KIDINS220: variants seen among roughly 807,000 people sequenced by gnomAD.
KIDINS220 encodes kinase D-interacting substrate of 220 kDa.
In KIDINS220, 63 loss-of-function variants were observed where a neutral mutation model predicts 157.6. The ratio of observed to expected loss-of-function variants is 0.40; its 90% CI spans 0.33 to 0.49. The LOEUF (loss-of-function observed/expected upper bound fraction) is 0.49. KIDINS220 is among the 20% of genes least tolerant of loss of function. The pLI is 0.66. For missense variants in KIDINS220, 1,772 were observed against 2,171.2 expected (o/e 0.82, Z 3.65); for synonymous variants, 732 against 783.6 (o/e 0.93, Z 1.10).
intron 22 of KIDINS220, among the ~76,000 whole-genome samples, chr2:8,764,972 A>C (rs1669270707): frequency 6.6e-6 from 1 of 152,214 alleles, no homozygotes; most frequent in South Asian, 2.1e-4. Flanking sequence ...CAGTGTTATG[A>C]AAGAACACAC....
At chr2:8,823,822 A>G (rs1206970265) in intron 2 of KIDINS220, among the ~76,000 whole-genome samples, 1 of 152,202 alleles carries the variant, frequency 6.6e-6, no homozygotes, top group Non-Finnish European at 1.5e-5. Flanking sequence ...ACCTCCAATT[A>G]TAAATGTTAT....
At chr2:8,802,671 C>T (rs547346750) in intron 8 of KIDINS220, among the ~76,000 whole-genome samples, 1 of 152,262 alleles carries the variant, frequency 6.6e-6, no homozygotes, top group East Asian at 1.9e-4. Flanking sequence ...AGAAAGCACA[C>T]CTACAGTGAC....
intron 16 of KIDINS220, 30 bp downstream of exon 16, chr2:8,786,176 C>A (rs759645585): frequency 1.7e-5 from 28 of 1,612,556 alleles, no homozygotes; most frequent in Non-Finnish European, 2.3e-5. Flanking sequence ...CCATCCCTTA[C>A]ACACAAAGAA....
At chr2:8,779,207 C>T (rs1365540716) in intron 18 of KIDINS220, 68 bp from the exon 19 acceptor site, 2 of 1,532,072 alleles carry the variant, frequency 1.3e-6, no homozygotes, top group African/African-American at 1.4e-5. Flanking sequence ...GGCATCTCTT[C>T]AAAATATGTG....
chr2:8,784,140 C>T (rs1204277134), intron 17 of KIDINS220, among the ~76,000 whole-genome samples: 4 of 142,828 alleles, frequency 2.8e-5, no homozygotes, highest in Non-Finnish European at 4.6e-5. Context: ...AAAGGCAATA[C>T]AATGCAAGAA....
chr2:8,746,807 A>G (rs1666647800), intron 26 of KIDINS220: 1 of 229,830 alleles, frequency 4.4e-6, no homozygotes, highest in Admixed American at 5.4e-5. Flanking sequence ...AAAAACAGTC[A>G]AAGGCAAAGC....
chr2:8,831,209 G>A (rs73916014), intron 1 of KIDINS220, among the ~76,000 whole-genome samples: 3,159 of 152,304 alleles, frequency 0.021, 112 homozygotes, highest in African/African-American at 0.072. Context: ...ACTGAGCAGA[G>A]TGAAAACTCA....
rs542705664 is a variant in KIDINS220 at position 8,735,696 on chromosome 2, T to C, written c.3718-943A>G. 2.6e-5 allele frequency among the ~76,000 whole-genome samples: 4 copies of C among 152,326 alleles called. No individual in the cohort carries two copies. The South Asian group carries it at 8.3e-4, about 32-fold the overall frequency. On this transcript the variant is annotated intron_variant, in intron 27 of 29. Transcript: ENST00000256707. ...TATTAACTGGGGCAAATTTATGAAA[T>C]AGCTATGTTTATAATCAATAGAATG...
intron 6 of KIDINS220, among the ~76,000 whole-genome samples, chr2:8,808,126 A>G (rs1055138755): frequency 1.3e-5 from 2 of 152,020 alleles, no homozygotes; most frequent in African/African-American, 4.8e-5. Context: ...TCTGTCTCAA[A>G]AAGAAAAAAA....
At chr2:8,754,482 T>C (rs1205768542) in intron 22 of KIDINS220, among the ~76,000 whole-genome samples, 1 of 152,224 alleles carries the variant, frequency 6.6e-6, no homozygotes. Flanking sequence ...ATTTCCAGCA[T>C]TATGAATCAT....
intron 2 of KIDINS220, among the ~76,000 whole-genome samples, chr2:8,820,184 C>G (rs11886698): frequency 0.064 from 9,793 of 152,186 alleles, 990 homozygotes; most frequent in African/African-American, 0.22. Flanking sequence ...CTCAACGTGT[C>G]CTCCTGCTCA....
Position 8,793,867 on chromosome 2 carries a change from G to C in KIDINS220, c.1219C>G (p.Pro407Ala). 1 of 1,613,512 alleles carries C rather than the reference G, an allele frequency of 6.2e-7. No homozygotes were observed. Among genetic ancestry groups the C allele is most frequent in the Non-Finnish European group, 8.5e-7 (1 of 1,179,828 alleles). The change falls in exon 12 of 30, where the codon CCT becomes GCT. Residue 407 changes from proline to alanine, a missense_variant. Around this residue, in one of 3 missense-constraint regions of KIDINS220, gnomAD observed 725 missense variants for 1,017.1 expected, o/e 0.71. Coordinates refer to ENST00000256707, the MANE Select transcript of KIDINS220 (RefSeq NM_020738.4). ...LYRPNKAGET[P>A]YNIDCSHQKS... ...TGATGGCTACAGTCAATATTATAAG[G>C]AGTCTCGCCTGCTTTGTTGGGCCTA...
At chr2:8,781,297 T>C (rs574513081) in intron 17 of KIDINS220, among the ~76,000 whole-genome samples, 3 of 151,386 alleles carry the variant, frequency 2.0e-5, no homozygotes, top group African/African-American at 7.3e-5. Flanking sequence ...CAAGAAGAAA[T>C]AGATAAATCC....
intron 6 of KIDINS220, among the ~76,000 whole-genome samples, chr2:8,809,709 T>A (rs564505791): frequency 2.0e-5 from 3 of 151,700 alleles, no homozygotes; most frequent in African/African-American, 7.3e-5. Flanking sequence ...AAGGCCAACA[T>A]GTCTAAAACA....
chr2:8,827,808 T>C (rs985483343), intron 1 of KIDINS220, among the ~76,000 whole-genome samples: 4 of 152,228 alleles, frequency 2.6e-5, no homozygotes, highest in African/African-American at 9.6e-5. Flanking sequence ...ATATATATAA[T>C]TTGTCAATTA....
At chr2:8,771,294 A>C (rs1353059513) in intron 21 of KIDINS220, among the ~76,000 whole-genome samples, 1 of 152,234 alleles carries the variant, frequency 6.6e-6, no homozygotes, top group East Asian at 1.9e-4. Flanking sequence ...GGGCAATCCC[A>C]CAGGCTTTCA....
intron 22 of KIDINS220, among the ~76,000 whole-genome samples, chr2:8,760,242 T>C (rs1668577985): frequency 6.6e-6 from 1 of 152,254 alleles, no homozygotes; most frequent in South Asian, 2.1e-4. Flanking sequence ...AAATAAAGCT[T>C]CTCCTCCATC....
At chr2:8,802,584 A>G (rs1423301053) in intron 8 of KIDINS220, among the ~76,000 whole-genome samples, 1 of 152,206 alleles carries the variant, frequency 6.6e-6, no homozygotes, top group Non-Finnish European at 1.5e-5. Flanking sequence ...TAAGTTTAAG[A>G]GGCCAATTAG....
At chr2:8,833,888 TTTCACCAAAAGGCCA>T (rs1261932829) in intron 1 of KIDINS220, among the ~76,000 whole-genome samples, 5 of 152,216 alleles carry the variant, frequency 3.3e-5, no homozygotes, top group Admixed American at 6.5e-5. Flanking sequence ...TTCAAAATGC[TTTCACCAAAAGGCCA>T]ATCGGTTAAT....
Sources: gnomAD v4.1 joint callset for allele counts (sites outside exome capture counted in the v4.1 genomes callset) on GRCh38, gnomAD v4.1.1 for gene constraint, gnomAD v4.1.1 regional missense constraint, MANE v1.5 for transcripts, NCBI Gene and HGNC (gene_info 2026-07-23, HGNC 2026-07-21) for gene names.